KLHL7: variants seen among roughly 807,000 people sequenced by gnomAD.
KLHL7 encodes kelch-like protein 7.
KLHL7 carries 44 observed loss-of-function variants against 67.4 expected under a neutral mutation model. The ratio of observed to expected loss-of-function variants is 0.65; its 90% CI spans 0.51 to 0.84. KLHL7 has a LOEUF of 0.84. Ranked by LOEUF, KLHL7 falls within the 40% of genes least tolerant of loss-of-function variation. The pLI is 0.00. For missense variants in KLHL7, 362 were observed against 718.1 expected (o/e 0.50, Z 5.67); for synonymous variants, 252 against 243.3 (o/e 1.04, Z -0.33).
chr7:23,165,702 A>G lies in KLHL7; in HGVS notation c.941A>G (p.Tyr314Cys). 1 of 1,614,138 alleles carries G rather than the reference A, an allele frequency of 6.2e-7. No homozygotes were observed. Among genetic ancestry groups the G allele is most frequent in the Non-Finnish European group, 8.5e-7 (1 of 1,179,986 alleles). The change falls in exon 8 of 11, where the codon TAT becomes TGT. Residue 314 changes from tyrosine (Y) to cysteine (C), a missense_variant. Transcript: ENST00000339077. ...QSCRYFNPKDYSWTDIRCPFE... is the reference protein window; with the variant it reads ...QSCRYFNPKDCSWTDIRCPFE... ...TCCCATCCTTTTCTGCTACAGGATT[A>G]TAGCTGGACAGACATCCGCTGCCCC...
intron 4 of KLHL7, chr7:23,129,489 A>G (rs566530950): frequency 7.0e-4 from 202 of 287,722 alleles, no homozygotes; most frequent in African/African-American, 4.1e-3. Context: ...AGCTTATCAG[A>G]TAGACACAAT....
At chr7:23,106,815 ATT>A in intron 1 of KLHL7, 1 of 983,132 alleles carries the variant, frequency 1.0e-6, no homozygotes, top group Non-Finnish European at 1.2e-6. Context: ...AAAAGAACGG[ATT>A]TTAACGCTGG....
intron 6 of KLHL7, among the ~76,000 whole-genome samples, chr7:23,146,306 C>G (rs956418552): frequency 6.6e-6 from 1 of 152,148 alleles, no homozygotes; most frequent in Non-Finnish European, 1.5e-5. Context: ...ATTTAGCTTG[C>G]TTTTCATTGG....
intron 1 of KLHL7, among the ~76,000 whole-genome samples, chr7:23,123,480 G>A (rs1783434647): frequency 1.4e-5 from 2 of 141,070 alleles, no homozygotes; most frequent in African/African-American, 2.7e-5. Context: ...TAGAATCTGT[G>A]TCAGAAAAAA....
intron 3 of KLHL7, 45 bp from the exon 4 acceptor site, chr7:23,125,003 A>G: frequency 6.4e-7 from 1 of 1,556,340 alleles, no homozygotes; most frequent in Non-Finnish European, 8.9e-7. Flanking sequence ...CATTTAAATA[A>G]TAAAAAATCA....
chr7:23,129,154 C>T (rs1280523735), intron 4 of KLHL7: 2 of 173,862 alleles, frequency 1.2e-5, no homozygotes, highest in Middle Eastern at 2.3e-3. Flanking sequence ...GTTGGCACAG[C>T]CTGGGCCTCT....
intron 7 of KLHL7, among the ~76,000 whole-genome samples, chr7:23,164,860 A>G (rs1784953928): frequency 6.6e-6 from 1 of 152,224 alleles, no homozygotes; most frequent in Non-Finnish European, 1.5e-5. Flanking sequence ...TGGGAATGGT[A>G]TGAATTCCTA....
chr7:23,155,229 C>T (rs1784664398), intron 7 of KLHL7, among the ~76,000 whole-genome samples: 1 of 152,102 alleles, frequency 6.6e-6, no homozygotes, highest in Non-Finnish European at 1.5e-5. Context: ...GTGTGCTATC[C>T]AATAAGCACA....
chr7:23,137,591 G>T (rs1251452411), intron 4 of KLHL7, among the ~76,000 whole-genome samples: 1 of 150,716 alleles, frequency 6.6e-6, no homozygotes, highest in Non-Finnish European at 1.5e-5. Context: ...TGGTCCTCTT[G>T]CCTCAGCCTC....
intron 8 of KLHL7, among the ~76,000 whole-genome samples, chr7:23,166,189 CATT>C (rs2128469525): frequency 6.6e-6 from 1 of 152,160 alleles, no homozygotes; most frequent in South Asian, 2.1e-4. Context: ...CATTAGTTGA[CATT>C]ATCTGAATTA....
At chr7:23,141,939 G>A (rs557523914) in intron 5 of KLHL7, among the ~76,000 whole-genome samples, 47 of 150,874 alleles carry the variant, frequency 3.1e-4, no homozygotes, top group African/African-American at 1.1e-3. Context: ...ATTTTTTTGA[G>A]ATGGAGTCTC....
intron 1 of KLHL7, 123 bp downstream of exon 1, chr7:23,106,269 C>G (rs565656095): frequency 3.3e-6 from 5 of 1,529,570 alleles, no homozygotes; most frequent in Non-Finnish European, 8.8e-7. Flanking sequence ...CTCGCCCCTC[C>G]TTCCGTTTTC....
chr7:23,146,075 C>CT (rs911273795), intron 6 of KLHL7, among the ~76,000 whole-genome samples: 2 of 152,202 alleles, frequency 1.3e-5, no homozygotes, highest in Non-Finnish European at 2.9e-5. Flanking sequence ...GTGCTGTTCT[C>CT]TGAGTCTGGA....
chr7:23,148,410 ACAGCAGCCC>A (rs11277510), intron 6 of KLHL7, among the ~76,000 whole-genome samples: 52,706 of 137,830 alleles, frequency 0.38, 9,625 homozygotes, highest in African/African-American at 0.55. Context: ...AAAAAAAAAA[ACAGCAGCCC>A]CAAAGCTACT....
At chr7:23,165,603 C>A in intron 7 of KLHL7, 95 bp from the exon 8 acceptor site, 1 of 1,346,376 alleles carries the variant, frequency 7.4e-7, no homozygotes, top group South Asian at 1.2e-5. Flanking sequence ...AATAAATTAA[C>A]ATATTCTTAT....
chr7:23,154,589 G>A lies in KLHL7; in HGVS notation c.936+2380G>A, dbSNP rs141605977. 2.6e-3 allele frequency among the ~76,000 whole-genome samples: 402 copies of A among 152,174 alleles called. 1 individual carries two copies. Among genetic ancestry groups the A allele is most frequent in the Middle Eastern group, 0.017 (5 of 294 alleles). On this transcript the variant is annotated intron_variant, in intron 7 of 10. Transcript: ENST00000339077. The stretch of plus-strand genomic sequence containing the variant: ...GGTCTCCAGAAATGGTTAGCATTAC[G>A]CGCATCAACACAGGAGACCAGTATG...
chr7:23,137,619 C>T (rs7801965), intron 4 of KLHL7, among the ~76,000 whole-genome samples: 164 of 151,318 alleles, frequency 1.1e-3, no homozygotes, highest in African/African-American at 3.8e-3. Flanking sequence ...GCTGGGATTA[C>T]AGGCACCCAC....
In KLHL7 at chr7:23,176,301, T is replaced by G. The variant is rs1785294109; in HGVS notation, c.*2003T>G. On this transcript the variant is annotated 3_prime_UTR_variant, in exon 11 of 11. Coordinates refer to ENST00000339077, the MANE Select transcript of KLHL7 (RefSeq NM_001031710.3). The stretch of plus-strand genomic sequence containing the variant: ...AGCTTCTGGTGGTTGCCAGCAATCC[T>G]CAGCATTCTTTGGCTTGTAGCTGCA... The G allele has an allele frequency of 6.6e-6, 1 of 152,372 alleles. No individual in the cohort carries two copies. Among genetic ancestry groups the G allele is most frequent in the South Asian group, 2.1e-4 (1 of 4,836 alleles). The allele number at this position is 152,372 out of a possible 1,614,324, so 9.4% of individuals were successfully genotyped here. A position where few individuals can be genotyped will look rare whatever the true frequency, so the allele number is the denominator to read the frequency against.
intron 4 of KLHL7, among the ~76,000 whole-genome samples, chr7:23,137,726 G>A (rs1201920326): frequency 2.7e-5 from 4 of 150,284 alleles, no homozygotes; most frequent in African/African-American, 9.8e-5. Context: ...TGAGCTGCCC[G>A]CCTCATCCTC....
Sources: allele counts gnomAD v4.1 joint callset (sites outside exome capture counted in the v4.1 genomes callset), GRCh38; gene constraint gnomAD v4.1.1; transcripts MANE v1.5; gene names NCBI Gene and HGNC (gene_info 2026-07-23, HGNC 2026-07-21).